KLHL13: variants seen among roughly 807,000 people sequenced by gnomAD.
KLHL13 encodes kelch like family member 13.
A neutral mutation model predicts 37.1 loss-of-function variants in KLHL13; 10 were observed. The ratio of observed to expected loss-of-function variants is 0.27; its 90% CI spans 0.17 to 0.46. The LOEUF is 0.46. Among genes scored for constraint, KLHL13 ranks in the 20% least tolerant of loss-of-function variants. The pLI is 1.00. For synonymous variants in KLHL13, 163 were observed against 181.2 expected (o/e 0.90, Z 0.81); for missense variants, 360 against 509.3 (o/e 0.71, Z 2.82).
chrX:117,919,323 C>A (rs1931564224), intron 4 of KLHL13, among the ~76,000 whole-genome samples, 198 bp downstream of exon 5: 1 of 112,217 alleles, frequency 8.9e-6, no homozygotes, highest in African/African-American at 3.2e-5. Flanking sequence ...GATGCCCGGC[C>A]AACACAGAGG....
Position 117,899,410 on chromosome X carries a change from C to T in KLHL13, c.1481-15G>A, listed in dbSNP as rs1452882272. On this transcript the variant is annotated splice_polypyrimidine_tract_variant and intron_variant, in intron 6 of 6. Transcript: ENST00000262820. The stretch of plus-strand genomic sequence containing the variant: ...AGTAATTCCTCCTAAAGAATGAAAA[C>T]AATAGTTTTGAAGTAAATAATTATA... The T allele has an allele frequency of 8.6e-7, 1 of 1,159,679 alleles. No homozygotes were observed. The highest frequency in any genetic ancestry group is 1.8e-5 in the African/African-American group (1 of 55,367).
intron 4 of KLHL13, among the ~76,000 whole-genome samples, chrX:117,915,076 G>A (rs1931253931): frequency 9.0e-6 from 1 of 111,532 alleles, no homozygotes; most frequent in Admixed American, 9.5e-5. Flanking sequence ...TTGGTGGGGA[G>A]GGAAATAATT....
At chrX:118,029,519 C>T (rs1016052771) in intron 1 of KLHL13, among the ~76,000 whole-genome samples, 2 of 111,783 alleles carry the variant, frequency 1.8e-5, no homozygotes, top group African/African-American at 3.3e-5. Flanking sequence ...CGATGTATAA[C>T]ACTGGGAAGG....
chrX:117,971,497 T>C (rs1463343123), intron 1 of KLHL13, among the ~76,000 whole-genome samples: 1 of 98,556 alleles, frequency 1.0e-5, no homozygotes, highest in African/African-American at 4.9e-5. Flanking sequence ...CAAACTAGCC[T>C]ATTTTTTTTT....
intron 1 of KLHL13, among the ~76,000 whole-genome samples, chrX:118,061,897 T>C (rs1246658880): frequency 8.9e-6 from 1 of 112,016 alleles, no homozygotes; most frequent in East Asian, 2.8e-4. Flanking sequence ...AAATGTTCTG[T>C]AACACTAAGA....
intron 1 of KLHL13, among the ~76,000 whole-genome samples, chrX:118,006,239 A>G (rs1185670617): frequency 8.9e-6 from 1 of 112,091 alleles, no homozygotes; most frequent in Non-Finnish European, 1.9e-5. Flanking sequence ...ATTTAACTAT[A>G]AATACTAAGT....
intron 1 of KLHL13, among the ~76,000 whole-genome samples, chrX:118,008,721 G>A (rs1381156147): frequency 9.0e-6 from 1 of 111,363 alleles, no homozygotes; most frequent in Non-Finnish European, 1.9e-5. Flanking sequence ...AAAAAGACTG[G>A]CATATGGCTA....
exon 1 of KLHL13, chrX:117,973,540 G>C: frequency 1.1e-6 from 1 of 898,137 alleles, no homozygotes; most frequent in Non-Finnish European, 1.4e-6. Flanking sequence ...CTAGGAGAAG[G>C]CAAAATGTAA....
intron 1 of KLHL13, among the ~76,000 whole-genome samples, chrX:118,033,910 T>C (rs1467689058): frequency 5.1e-5 from 5 of 98,128 alleles, no homozygotes; most frequent in Non-Finnish European, 1.0e-4. Context: ...ACCAAGCAAA[T>C]GGAAAACAAA....
chrX:118,089,673 G>GAAAAAAA, intron 1 of KLHL13, among the ~76,000 whole-genome samples: 1 of 99,632 alleles, frequency 1.0e-5, no homozygotes, highest in Non-Finnish European at 2.1e-5. Flanking sequence ...AAAGAAAAAA[G>GAAAAAAA]AAAGTTTCAA....
chrX:117,973,811 T>A, upstream of KLHL13: 1 of 620,445 alleles, frequency 1.6e-6, no homozygotes, highest in Non-Finnish European at 1.9e-6. Flanking sequence ...TTTCCCCTCT[T>A]GTTCACCACC....
intron 1 of KLHL13, among the ~76,000 whole-genome samples, chrX:117,988,965 C>A (rs1254001480): frequency 9.0e-6 from 1 of 111,372 alleles, no homozygotes; most frequent in African/African-American, 3.3e-5. Context: ...TTTGAAAGGG[C>A]CAAGATATAC....
chrX:117,926,747 T>C (rs1281124130), intron 2 of KLHL13, among the ~76,000 whole-genome samples: 1 of 109,124 alleles, frequency 9.2e-6, no homozygotes, highest in Non-Finnish European at 1.9e-5. Flanking sequence ...CTCACCAAGC[T>C]GATGGTGAGT....
At chrX:117,972,656 C>G (rs878908982) in intron 1 of KLHL13, 1 of 898,649 alleles carries the variant, frequency 1.1e-6, no homozygotes, top group East Asian at 3.1e-5. Flanking sequence ...TTTGGGGGCT[C>G]CCCCGCCCCC....
intron 1 of KLHL13, among the ~76,000 whole-genome samples, chrX:118,074,470 A>G (rs1302324510): frequency 2.7e-5 from 3 of 111,508 alleles, no homozygotes; most frequent in Non-Finnish European, 5.7e-5. Context: ...CAGGCCAGGA[A>G]ATTTTCCATG....
chrX:118,099,919 AAAGGAAGG>A (rs59085638), intron 1 of KLHL13, among the ~76,000 whole-genome samples: 102 of 102,198 alleles, frequency 1.0e-3, no homozygotes, highest in African/African-American at 2.4e-3. Context: ...AGGAAGGAAG[AAAGGAAGG>A]AAGGAAGGAA....
At chrX:118,047,381 C>T (rs2054570721) in intron 1 of KLHL13, among the ~76,000 whole-genome samples, 1 of 111,914 alleles carries the variant, frequency 8.9e-6, no homozygotes, top group Admixed American at 9.4e-5. Flanking sequence ...TATGCCAAGG[C>T]CCTCAGGCAA....
At chrX:118,094,178 T>C (rs796208212) in intron 1 of KLHL13, among the ~76,000 whole-genome samples, 1 of 110,025 alleles carries the variant, frequency 9.1e-6, no homozygotes, top group Admixed American at 9.7e-5. Context: ...GAATAACCAA[T>C]GCAGAGAAGT....
chrX:118,046,917 T>C (rs1265647574), intron 1 of KLHL13, among the ~76,000 whole-genome samples: 1 of 111,931 alleles, frequency 8.9e-6, no homozygotes, highest in Non-Finnish European at 1.9e-5. Flanking sequence ...ATATGAGTGG[T>C]GACCTTTACC....
Sources: allele counts gnomAD v4.1 joint callset (sites outside exome capture counted in the v4.1 genomes callset), GRCh38; gene constraint gnomAD v4.1.1; transcripts MANE v1.5; gene names NCBI Gene and HGNC (gene_info 2026-07-23, HGNC 2026-07-21).